Variants in DLEC1 observed in about 807,000 individuals in gnomAD.
The protein encoded by DLEC1 is DLEC1 cilia and flagella associated protein.
A neutral mutation model predicts 198.1 loss-of-function variants in DLEC1; 146 were observed. The observed-to-expected ratio is 0.74, with a 90% CI of 0.64 to 0.85. The LOEUF is 0.85. DLEC1 is among the 40% of genes least tolerant of loss of function. The probability of loss-of-function intolerance (pLI) is 0.00; values close to 1 mark genes in which losing one functional copy is unlikely to be tolerated. For synonymous variants in DLEC1, 897 were observed against 866.8 expected (o/e 1.03, Z -0.61); for missense variants, 2,233 against 2,220.0 (o/e 1.01, Z -0.12).
chr3:38,088,256 A>G lies in DLEC1; in HGVS notation c.1573-40A>G, dbSNP rs1698565355. ...TTGCAATCTGAATACTGGCTTTTAC[A>G]ATGTCTTCCACACTGTTGGGTAATC... On this transcript the variant is annotated intron_variant, in intron 9 of 36. Coordinates refer to ENST00000308059, the MANE Select transcript of DLEC1 (RefSeq NM_007335.4). 1.9e-6 allele frequency: 3 copies of G among 1,559,414 alleles called. No homozygotes were observed. In the South Asian group the frequency reaches 3.4e-5, roughly 18 times the overall value.
chr3:38,091,500 A>G (rs1698745211), intron 10 of DLEC1, among the ~76,000 whole-genome samples: 1 of 152,174 alleles, frequency 6.6e-6, no homozygotes, highest in Non-Finnish European at 1.5e-5. Flanking sequence ...ACAAAAAAAC[A>G]AACATGAATA....
In DLEC1 at chr3:38,062,309, G is replaced by A. The variant is rs1188575499; in HGVS notation, c.814G>A (p.Asp272Asn). 6.2e-7 allele frequency: 1 copy of A among 1,614,194 alleles called. No individual in the cohort carries two copies. Among genetic ancestry groups the A allele is most frequent in the African/African-American group, 1.3e-5 (1 of 75,046 alleles). Reference sequence around the variant, plus strand: ...CGAAGATGAGTTAGACCACACTGTGGACAGCCTGACATGGAATTTAACTCC... The same window carrying A: ...CGAAGATGAGTTAGACCACACTGTGAACAGCCTGACATGGAATTTAACTCC... ...EFEDELDHTV[D>N]SLTWNLTPKA... The change falls in exon 4 of 37, where the codon GAC becomes AAC. Residue 272 changes from aspartate to asparagine, a missense_variant. Coordinates refer to ENST00000308059, the MANE Select transcript of DLEC1 (RefSeq NM_007335.4).
chr3:38,107,821 A>G (rs1481351341), intron 20 of DLEC1, 84 bp downstream of exon 20: 1 of 1,471,994 alleles, frequency 6.8e-7, no homozygotes, highest in East Asian at 2.3e-5. Flanking sequence ...TCCCCCAAAT[A>G]TCCTCACAGA....
In DLEC1 at chr3:38,088,335, G is replaced by C. The variant is rs747481092; in HGVS notation, c.1612G>C (p.Gly538Arg). The change falls in exon 10 of 37, where the codon GGA becomes CGA. Residue 538 changes from glycine (G) to arginine (R), a missense_variant. Coordinates refer to ENST00000308059, the MANE Select transcript of DLEC1 (RefSeq NM_007335.4). ...CGGCTTTGTTGAACAACCTCCTTTT[G>C]GAATCCTGCCTTCGGTGTTTGAGCT... ...TVGFVEQPPF[G>R]ILPSVFELAP... 1 of 1,613,934 alleles carries C rather than the reference G, an allele frequency of 6.2e-7. No individual in the cohort carries two copies. The highest frequency in any genetic ancestry group is 2.2e-5 in the East Asian group (1 of 44,888).
chr3:38,097,327 A>C (rs1159410151), intron 16 of DLEC1, 52 bp downstream of exon 16: 1 of 1,550,430 alleles, frequency 6.4e-7, no homozygotes, highest in East Asian at 2.4e-5. Context: ...CTGGCTCAGG[A>C]AGAAATCTTC....
rs774794193 is a variant in DLEC1, at chr3:38,084,187, G to A, written c.1203G>A (p.Thr401=). Residue 401 remains threonine, a synonymous_variant, in exon 7 of 37, where the codon ACG becomes ACA. Transcript: ENST00000308059. ...EMVIALQNTT[T]TSRYLRVLPP... ...TAATTGCGCTGCAGAACACCACCAC[G>A]ACCAGCCGCTACCTGCGAGTCCTCC... 11 of 1,612,924 alleles carry A rather than the reference G, an allele frequency of 6.8e-6. No homozygotes were observed. The African/African-American group carries it at 8.0e-5, about 12-fold the overall frequency.
intron 9 of DLEC1, among the ~76,000 whole-genome samples, chr3:38,088,013 C>T (rs952791800): frequency 2.0e-5 from 3 of 152,238 alleles, no homozygotes; most frequent in African/African-American, 2.4e-5. Context: ...GTGTCCCAAT[C>T]ACTTGGTGAT....
intron 6 of DLEC1, among the ~76,000 whole-genome samples, chr3:38,073,815 G>T (rs1175312539): frequency 6.6e-6 from 1 of 152,182 alleles, no homozygotes; most frequent in Non-Finnish European, 1.5e-5. Flanking sequence ...GGTAGCCCCT[G>T]TGTCGATTAA....
intron 1 of DLEC1, among the ~76,000 whole-genome samples, chr3:38,041,150 T>C (rs1700634349): frequency 6.6e-6 from 1 of 152,050 alleles, no homozygotes; most frequent in East Asian, 1.9e-4. Context: ...AGCTGGCGCC[T>C]GCCACCACAC....
At chr3:38,114,520 C>T (rs775500708) in intron 26 of DLEC1, 60 bp downstream of exon 26, 18 of 1,550,564 alleles carry the variant, frequency 1.2e-5, no homozygotes, top group African/African-American at 2.7e-5. Context: ...CTCCGGCCTC[C>T]GGGCTGGGCT....
Position 38,116,786 on chromosome 3 carries a change from C to G in DLEC1, c.4076C>G (p.Ser1359Cys). The G allele has an allele frequency of 6.2e-7, 1 of 1,612,702 alleles. No homozygotes were observed. The highest frequency in any genetic ancestry group is 8.5e-7 in the Non-Finnish European group (1 of 1,179,266). Residue 1359 changes from serine (S) to cysteine (C), a missense_variant, in exon 29 of 37, where the codon TCC (serine) becomes TGC (cysteine). Ser to Cys is a moderately radical substitution (Grantham distance 112). Transcript: ENST00000308059. The stretch of plus-strand genomic sequence containing the variant: ...CCTTGGTGACAGGTTGAGGGCAGCT[C>G]CAGTGCCAGCAATAGGGTGGCACAG... ...HETDSSVEGS[S>C]SASNRVAQKL...
chr3:38,052,029 T>C (rs1276809495), intron 2 of DLEC1: 2 of 200,330 alleles, frequency 1.0e-5, no homozygotes, highest in Non-Finnish European at 2.1e-5. Context: ...GAAGTCATTG[T>C]GGCAGCCAAG....
chr3:38,059,266 C>T (rs532120305), intron 2 of DLEC1, among the ~76,000 whole-genome samples: 34 of 152,278 alleles, frequency 2.2e-4, no homozygotes, highest in African/African-American at 8.2e-4. Flanking sequence ...GCTCTTGTCA[C>T]AATAATGGCA....
At chr3:38,054,209 CAAAACAAA>C (rs1179130688) in intron 2 of DLEC1, among the ~76,000 whole-genome samples, 4 of 103,634 alleles carry the variant, frequency 3.9e-5, no homozygotes, top group Non-Finnish European at 4.8e-5. Flanking sequence ...AAAAAAAAAA[CAAAACAAA>C]AAAACAAACA....
chr3:38,116,454 C>T lies in DLEC1; in HGVS notation c.3858C>T (p.Asp1286=), dbSNP rs1316906040. 4 of 1,613,970 alleles carry T rather than the reference C, an allele frequency of 2.5e-6. No individual in the cohort carries two copies. Among genetic ancestry groups the T allele is most frequent in the Non-Finnish European group, 3.4e-6 (4 of 1,179,984 alleles). ...CCCTGCTCCACACATCTGCCCCAGACATCCGCCTGGATTGGGAGACCTATG... is the reference window on the plus strand; with the variant it reads ...CCCTGCTCCACACATCTGCCCCAGATATCCGCCTGGATTGGGAGACCTATG... ...TLRLNNSSPC[D]IRLDWETYVP... The change falls in exon 28 of 37, where the codon GAC becomes GAT. Residue 1286 remains aspartate (D), a splice_region_variant and synonymous_variant. Coordinates refer to ENST00000308059, the MANE Select transcript of DLEC1 (RefSeq NM_007335.4).
At chr3:38,100,867 T>C (rs1437454910) in intron 19 of DLEC1, among the ~76,000 whole-genome samples, 1 of 152,178 alleles carries the variant, frequency 6.6e-6, no homozygotes, top group Admixed American at 6.6e-5. Flanking sequence ...TTAAAAAGTG[T>C]GACATATTTA....
intron 5 of DLEC1, among the ~76,000 whole-genome samples, 190 bp from the exon 6 acceptor site, chr3:38,063,651 G>A (rs935825023): frequency 2.0e-5 from 3 of 152,064 alleles, no homozygotes; most frequent in African/African-American, 7.2e-5. Context: ...CACAAAGATT[G>A]GATCATACTG....
chr3:38,113,842 G>A lies in DLEC1; in HGVS notation c.3667-500G>A, dbSNP rs9861128. On this transcript the variant is annotated intron_variant, in intron 25 of 36. Coordinates refer to ENST00000308059, the MANE Select transcript of DLEC1 (RefSeq NM_007335.4). ...GCTAACAGTAAGTCATGCTGCAGAG[G>A]TAGGATTGGAGGTGATTATCACACT... Among the ~76,000 whole-genome samples the A allele has an allele frequency of 7.9e-3, 1,204 of 152,258 alleles. 18 individuals carry two copies. The highest frequency in any genetic ancestry group is 0.027 in the African/African-American group (1,115 of 41,542).
chr3:38,045,715 A>C, intron 2 of DLEC1, 22 bp downstream of exon 2: 1 of 1,586,810 alleles, frequency 6.3e-7, no homozygotes, highest in Non-Finnish European at 8.6e-7. Context: ...GAACTCCCAC[A>C]TGCCTGCCCA....
Sources: allele counts gnomAD v4.1 joint callset (sites outside exome capture counted in the v4.1 genomes callset), GRCh38; gene constraint gnomAD v4.1.1; transcripts MANE v1.5; gene names NCBI Gene and HGNC (gene_info 2026-07-23, HGNC 2026-07-21).